BAG2: variants seen among roughly 807,000 people sequenced by gnomAD.
The protein encoded by BAG2 is BAG family molecular chaperone regulator 2.
In BAG2, 8 loss-of-function variants were observed where a neutral mutation model predicts 16.4. The ratio of observed to expected loss-of-function variants is 0.49; its 90% CI spans 0.29 to 0.88. BAG2 has a LOEUF of 0.88. Ranked by LOEUF, BAG2 falls within the 40% of genes least tolerant of loss-of-function variation. The probability of loss-of-function intolerance (pLI) is 0.09; values close to 1 mark genes in which losing one functional copy is unlikely to be tolerated. For missense variants in BAG2, 218 were observed against 248.9 expected (o/e 0.88, Z 0.84); for synonymous variants, 82 against 89.2 (o/e 0.92, Z 0.46).
intron 1 of BAG2, chr6:57,174,189 A>G: frequency 9.2e-7 from 1 of 1,087,372 alleles, no homozygotes; most frequent in South Asian, 2.6e-5. Flanking sequence ...CTAACTGGTA[A>G]TGTTTCTTTT....
At chr6:57,182,187 A>G in intron 2 of BAG2, 46 bp downstream of exon 2, 1 of 1,551,710 alleles carries the variant, frequency 6.4e-7, no homozygotes, top group Non-Finnish European at 8.9e-7. Flanking sequence ...ACACTCCTTT[A>G]AAGAGTTTAT....
intron 1 of BAG2, among the ~76,000 whole-genome samples, chr6:57,177,802 A>G (rs1764326111): frequency 6.6e-6 from 1 of 152,202 alleles, no homozygotes; most frequent in South Asian, 2.1e-4. Context: ...ACATATTAAT[A>G]GTAGCCACAG....
At chr6:57,182,468 A>G (rs1764487989) in intron 2 of BAG2, among the ~76,000 whole-genome samples, 1 of 151,062 alleles carries the variant, frequency 6.6e-6, no homozygotes, top group Non-Finnish European at 1.5e-5. Context: ...AAGTTACTGG[A>G]CTGCAAGAGA....
chr6:57,189,791 T>C lies in BAG2; in HGVS notation c.*5601T>C, dbSNP rs1472405675. 6.5e-6 allele frequency: 1 copy of C among 152,702 alleles called. No individual in the cohort carries two copies. Among genetic ancestry groups the C allele is most frequent in the Non-Finnish European group, 1.5e-5 (1 of 68,068 alleles). The allele number at this position is 152,702 out of a possible 1,614,324, so 9.5% of individuals were successfully genotyped here. A position where few individuals can be genotyped will look rare whatever the true frequency, so the allele number is the denominator to read the frequency against. ...ACCCAAGCTCATTTTGCAAAATATA[T>C]GTCTAGAGTTTATCATTTGAAAATA... On this transcript the variant is annotated 3_prime_UTR_variant, in exon 3 of 3. Transcript: ENST00000370693.
Position 57,183,977 on chromosome 6 carries a change from A to C in BAG2, c.423A>C (p.Ala141=), listed in dbSNP as rs1219678456. 1.2e-6 allele frequency: 2 copies of C among 1,613,440 alleles called. No homozygotes were observed. The highest frequency in any genetic ancestry group is 2.2e-5 in the South Asian group (2 of 90,806). Residue 141 remains alanine, a synonymous_variant, in exon 3 of 3, where the codon GCA becomes GCC. Transcript: ENST00000370693. ...AKSHLMSLYS[A]CSSEVPHGPV... Reference sequence around the variant, plus strand: ...GTCATTTAATGTCGCTCTACAGTGCATGTTCATCTGAGGTGCCACATGGGC... The same window carrying C: ...GTCATTTAATGTCGCTCTACAGTGCCTGTTCATCTGAGGTGCCACATGGGC...
At chr6:57,181,152 A>T (rs1037723499) in intron 1 of BAG2, among the ~76,000 whole-genome samples, 4 of 152,296 alleles carry the variant, frequency 2.6e-5, no homozygotes, top group African/African-American at 9.6e-5. Flanking sequence ...TGTTCTGCAG[A>T]ATAGTCATAA....
In BAG2 at chr6:57,188,842, G is replaced by C. The variant is rs1253003770; in HGVS notation, c.*4652G>C. 1 of 151,742 alleles carries C rather than the reference G, an allele frequency of 6.6e-6. No homozygotes were observed. The highest frequency in any genetic ancestry group is 2.4e-5 in the African/African-American group (1 of 41,280). 9.4% of individuals were successfully genotyped at this position (151,742 alleles called of 1,614,324 possible). A position where few individuals can be genotyped will look rare whatever the true frequency, so the allele number is the denominator to read the frequency against. ...AATGGCAAAGAGAACATTTACTTTTGATCACTTAACAAGGACACACCCAGG... is the reference window on the plus strand; with the variant it reads ...AATGGCAAAGAGAACATTTACTTTTCATCACTTAACAAGGACACACCCAGG... On this transcript the variant is annotated 3_prime_UTR_variant, in exon 3 of 3. Coordinates refer to ENST00000370693, the MANE Select transcript of BAG2 (RefSeq NM_004282.4).
At position 57,187,961 on chromosome 6, in the gene BAG2, A is replaced by G. The variant is rs940685712; in HGVS notation, c.*3771A>G. On this transcript the variant is annotated 3_prime_UTR_variant, in exon 3 of 3. Coordinates refer to ENST00000370693, the MANE Select transcript of BAG2 (RefSeq NM_004282.4). Reference sequence around the variant, plus strand: ...TATTGCCTTATATGGGTCATTCTATATACTATTTAATTCATAGACAGAGAC... The same window carrying G: ...TATTGCCTTATATGGGTCATTCTATGTACTATTTAATTCATAGACAGAGAC... 1 of 150,886 alleles carries G rather than the reference A, an allele frequency of 6.6e-6. No individual in the cohort carries two copies. Among genetic ancestry groups the G allele is most frequent in the African/African-American group, 2.5e-5 (1 of 40,716 alleles). 9.3% of individuals were successfully genotyped at this position (150,886 alleles called of 1,614,324 possible).
intron 1 of BAG2, chr6:57,174,066 G>C: frequency 2.7e-6 from 1 of 371,796 alleles, no homozygotes; most frequent in Non-Finnish European, 4.0e-6. Flanking sequence ...AAGTGGAAGA[G>C]AGAAGTAATG....
chr6:57,175,776 CATCTCTTT>C (rs1365294564), intron 1 of BAG2, among the ~76,000 whole-genome samples: 1 of 152,240 alleles, frequency 6.6e-6, no homozygotes, highest in Non-Finnish European at 1.5e-5. Context: ...TCACCCTACA[CATCTCTTT>C]ATCCATGTCC....
chr6:57,187,901 C>T lies in BAG2; in HGVS notation c.*3711C>T, dbSNP rs1318954392. The T allele has an allele frequency of 2.6e-5, 4 of 151,998 alleles. No homozygotes were observed. Among genetic ancestry groups the T allele is most frequent in the African/African-American group, 4.8e-5 (2 of 41,386 alleles). The allele number at this position is 151,998 out of a possible 1,614,324, so 9.4% of individuals were successfully genotyped here. A position where few individuals can be genotyped will look rare whatever the true frequency, so the allele number is the denominator to read the frequency against. On this transcript the variant is annotated 3_prime_UTR_variant, in exon 3 of 3. Coordinates refer to ENST00000370693, the MANE Select transcript of BAG2 (RefSeq NM_004282.4). ...GTGTGCTATCAACTTTGGGCAGATA[C>T]AAAGGAAATCATTTAACCTGGTTTT...
At position 57,188,341 on chromosome 6, in the gene BAG2, GCTCT is replaced by G. The variant is rs1009947942; in HGVS notation, c.*4156_*4159del. 5.3e-5 allele frequency: 8 copies of G among 151,966 alleles called. No homozygotes were observed. The highest frequency in any genetic ancestry group is 1.0e-4 in the Non-Finnish European group (7 of 67,976). 9.4% of individuals were successfully genotyped at this position (151,966 alleles called of 1,614,324 possible). A position where few individuals can be genotyped will look rare whatever the true frequency, so the allele number is the denominator to read the frequency against. On this transcript the variant is annotated 3_prime_UTR_variant, in exon 3 of 3. Transcript: ENST00000370693. The stretch of plus-strand genomic sequence containing the variant: ...ATTAAAAATTCAAATATGTAACAAA[GCTCT>G]CTCTTCAGTTCTTATTTAAAAAAAG...
chr6:57,185,436 C>A lies in BAG2; in HGVS notation c.*1246C>A, dbSNP rs981609562. 1 of 152,190 alleles carries A rather than the reference C, an allele frequency of 6.6e-6. No homozygotes were observed. The highest frequency in any genetic ancestry group is 1.5e-5 in the Non-Finnish European group (1 of 68,020). The allele number at this position is 152,190 out of a possible 1,614,324, so 9.4% of individuals were successfully genotyped here. The stretch of plus-strand genomic sequence containing the variant: ...TTTTTATTTGAATGTAGGTATTCTT[C>A]ACACTGAAAAACCAAATCAAGATCC... On this transcript the variant is annotated 3_prime_UTR_variant, in exon 3 of 3. Transcript: ENST00000370693.
At chr6:57,183,288 A>G (rs201801224) in intron 2 of BAG2, among the ~76,000 whole-genome samples, 3 of 152,344 alleles carry the variant, frequency 2.0e-5, no homozygotes, top group South Asian at 2.1e-4. Context: ...TCCTGCTTCT[A>G]TCTGGAGAAG....
Position 57,188,728 on chromosome 6 carries a change from A to G in BAG2, c.*4538A>G, listed in dbSNP as rs1764712185. ...CTGGTGACATAAAAATAAGCATTTT[A>G]CATTACTGTGAAATAGATAATGCCA... On this transcript the variant is annotated 3_prime_UTR_variant, in exon 3 of 3. Coordinates refer to ENST00000370693, the MANE Select transcript of BAG2 (RefSeq NM_004282.4). The G allele has an allele frequency of 6.6e-6, 1 of 152,246 alleles. No individual in the cohort carries two copies. Among genetic ancestry groups the G allele is most frequent in the African/African-American group, 2.4e-5 (1 of 41,472 alleles). The allele number at this position is 152,246 out of a possible 1,614,324, so 9.4% of individuals were successfully genotyped here. A position where few individuals can be genotyped will look rare whatever the true frequency, so the allele number is the denominator to read the frequency against.
At chr6:57,179,748 C>T (rs1764385752) in intron 1 of BAG2, among the ~76,000 whole-genome samples, 1 of 151,972 alleles carries the variant, frequency 6.6e-6, no homozygotes, top group South Asian at 2.1e-4. Flanking sequence ...CCTTATTCCA[C>T]AGCTTAGTTT....
In BAG2 at chr6:57,174,621, T is replaced by C. The variant is rs139785715; in HGVS notation, c.113+1811T>C. Among the ~76,000 whole-genome samples the C allele has an allele frequency of 5.6e-3, 854 of 152,278 alleles. 4 individuals carry two copies. The highest frequency in any genetic ancestry group is 9.5e-3 in the Non-Finnish European group (645 of 68,014). ...GTAATTCTGGACTTTTGTAGGCCTTTTTTCTTCTTTTTAAAAAAGTAATAC... is the reference window on the plus strand; with the variant it reads ...GTAATTCTGGACTTTTGTAGGCCTTCTTTCTTCTTTTTAAAAAAGTAATAC... On this transcript the variant is annotated intron_variant, in intron 1 of 2. Transcript: ENST00000370693.
chr6:57,172,612 G>T lies in BAG2; in HGVS notation c.-86G>T. 8.5e-7 allele frequency: 1 copy of T among 1,174,036 alleles called. No homozygotes were observed. The highest frequency in any genetic ancestry group is 1.1e-6 in the Non-Finnish European group (1 of 888,958). 72.7% of individuals were successfully genotyped at this position (1,174,036 alleles called of 1,614,324 possible). Reference sequence around the variant, plus strand: ...GGAGGGCGGGCGCCCGCGTGGTGACGGCGACGCCTGCAGCCCAAGGAGCGC... The same window carrying T: ...GGAGGGCGGGCGCCCGCGTGGTGACTGCGACGCCTGCAGCCCAAGGAGCGC... On this transcript the variant is annotated 5_prime_UTR_variant, in exon 1 of 3. Coordinates refer to ENST00000370693, the MANE Select transcript of BAG2 (RefSeq NM_004282.4).
At chr6:57,175,724 G>A (rs988432793) in intron 1 of BAG2, among the ~76,000 whole-genome samples, 3 of 152,230 alleles carry the variant, frequency 2.0e-5, no homozygotes, top group Non-Finnish European at 4.4e-5. Context: ...AGCTGGACAT[G>A]TGGAGGCTCC....
Sources: gnomAD v4.1 joint callset for allele counts (sites outside exome capture counted in the v4.1 genomes callset) on GRCh38, gnomAD v4.1.1 for gene constraint, MANE v1.5 for transcripts, NCBI Gene and HGNC (gene_info 2026-07-23, HGNC 2026-07-21) for gene names.